The following ABTB2 variants were observed in gnomAD, a reference collection of about 807,000 sequenced individuals.
ABTB2 encodes the protein ankyrin repeat and BTB/POZ domain-containing protein 2.
ABTB2 carries 56 observed loss-of-function variants against 104.1 expected under a neutral mutation model. That is an observed-to-expected ratio of 0.54 (90% CI 0.43 to 0.67). The LOEUF is 0.67. ABTB2 is among the 30% of genes least tolerant of loss of function. ABTB2 has a pLI of 0.00. For missense variants in ABTB2, 1,279 were observed against 1,407.7 expected (o/e 0.91, Z 1.46); for synonymous variants, 606 against 608.2 (o/e 1.00, Z 0.05).
intron 3 of ABTB2, among the ~76,000 whole-genome samples, chr11:34,180,991 G>A (rs1282690415): frequency 2.0e-5 from 3 of 152,118 alleles, no homozygotes; most frequent in Non-Finnish European, 4.4e-5. Context: ...TGCAACCTCC[G>A]CCTCCCTGGT....
intron 1 of ABTB2, among the ~76,000 whole-genome samples, chr11:34,331,130 T>G (rs1018685505): frequency 6.6e-6 from 1 of 152,152 alleles, no homozygotes; most frequent in African/African-American, 2.4e-5. Context: ...ACAGCTGTGG[T>G]AAAACCAAAA....
At chr11:34,301,577 A>G (rs1312785534) in intron 1 of ABTB2, among the ~76,000 whole-genome samples, 1 of 152,256 alleles carries the variant, frequency 6.6e-6, no homozygotes, top group Non-Finnish European at 1.5e-5. Context: ...TTGTTCTCTG[A>G]ATAACACATT....
At chr11:34,195,890 C>G (rs1590213361) in intron 3 of ABTB2, among the ~76,000 whole-genome samples, 1 of 152,168 alleles carries the variant, frequency 6.6e-6, no homozygotes, top group East Asian at 1.9e-4. Flanking sequence ...CTCAATGCCC[C>G]CCAAAGACAG....
chr11:34,228,779 C>G (rs1399301237), intron 1 of ABTB2, among the ~76,000 whole-genome samples: 1 of 152,152 alleles, frequency 6.6e-6, no homozygotes, highest in African/African-American at 2.4e-5. Context: ...TCTCCACATC[C>G]TCACCAACAC....
rs778958597 is a variant in ABTB2, at chr11:34,164,839, C to T, written c.1853-18G>A. On this transcript the variant is annotated intron_variant, in intron 8 of 16. Coordinates refer to ENST00000435224, the MANE Select transcript of ABTB2 (RefSeq NM_145804.3). ...ATAGTTCCCTGAAAGAGAAGGTGGG[C>T]AGCACGGAGGACACTGAGACAGTAG... The T allele has an allele frequency of 3.8e-6, 6 of 1,584,732 alleles. No homozygotes were observed. Among genetic ancestry groups the T allele is most frequent in the Non-Finnish European group, 4.3e-6 (5 of 1,171,286 alleles).
chr11:34,310,386 C>A (rs958066745), intron 1 of ABTB2, among the ~76,000 whole-genome samples: 1 of 152,118 alleles, frequency 6.6e-6, no homozygotes, highest in East Asian at 1.9e-4. Flanking sequence ...TCCCTGCAAC[C>A]CTCTGAGTTT....
intron 1 of ABTB2, among the ~76,000 whole-genome samples, chr11:34,212,965 C>T (rs1295121190): frequency 6.6e-6 from 1 of 152,148 alleles, no homozygotes; most frequent in Admixed American, 6.5e-5. Flanking sequence ...TCAGGGCCAG[C>T]AACCCCAATT....
intron 11 of ABTB2, among the ~76,000 whole-genome samples, chr11:34,160,590 G>A (rs1852697648): frequency 6.6e-6 from 1 of 150,460 alleles, no homozygotes; most frequent in Non-Finnish European, 1.5e-5. Context: ...GGCAGCGCAA[G>A]TCTAAGTCTG....
chr11:34,159,571 A>G lies in ABTB2; in HGVS notation c.2607-185T>C, dbSNP rs567397338. The stretch of plus-strand genomic sequence containing the variant: ...CCATCTTAGGAAGACATCTGAGCTG[A>G]GCCCAATTCTGTCCCCACCACCCAC... On this transcript the variant is annotated intron_variant, in intron 13 of 16. Transcript: ENST00000435224. 2.0e-5 allele frequency among the ~76,000 whole-genome samples: 3 copies of G among 152,332 alleles called. No homozygotes were observed. The East Asian group carries it at 5.8e-4, about 29-fold the overall frequency.
chr11:34,180,831 C>A (rs1232060721), intron 3 of ABTB2, among the ~76,000 whole-genome samples: 1 of 152,166 alleles, frequency 6.6e-6, no homozygotes, highest in Non-Finnish European at 1.5e-5. Context: ...TAAGGCCCCT[C>A]AATGGAACTA....
At chr11:34,258,448 C>G (rs1268826940) in intron 1 of ABTB2, among the ~76,000 whole-genome samples, 1 of 152,046 alleles carries the variant, frequency 6.6e-6, no homozygotes, top group Admixed American at 6.6e-5. Flanking sequence ...AGACTGAAGA[C>G]AATCCAGTGT....
At chr11:34,217,201 A>C (rs942570434) in intron 1 of ABTB2, among the ~76,000 whole-genome samples, 1 of 152,238 alleles carries the variant, frequency 6.6e-6, no homozygotes, top group Non-Finnish European at 1.5e-5. Context: ...AAGCTGTTTA[A>C]CACCACTGGC....
In ABTB2 at chr11:34,173,417, A is replaced by G. The variant is rs775173826; in HGVS notation, c.1245-110T>C. On this transcript the variant is annotated intron_variant, in intron 3 of 16. Coordinates refer to ENST00000435224, the MANE Select transcript of ABTB2 (RefSeq NM_145804.3). ...CTTGTGGGGCAGCAGAGAGAGGGTC[A>G]GTCCTAGGGTGGGGGGCTCCCTGCT... The G allele has an allele frequency of 5.3e-4, 702 of 1,328,160 alleles. 1 individual carries two copies. Among genetic ancestry groups the G allele is most frequent in the Non-Finnish European group, 6.6e-4 (652 of 984,632 alleles). 82.3% of individuals were successfully genotyped at this position (1,328,160 alleles called of 1,614,324 possible).
intron 2 of ABTB2, among the ~76,000 whole-genome samples, chr11:34,199,497 G>C (rs911381128): frequency 6.6e-6 from 1 of 152,204 alleles, no homozygotes; most frequent in African/African-American, 2.4e-5. Context: ...GTTTGTAGAA[G>C]TTCCCTCAGT....
intron 1 of ABTB2, among the ~76,000 whole-genome samples, chr11:34,227,641 GT>G (rs1853705202): frequency 6.6e-6 from 1 of 152,216 alleles, no homozygotes; most frequent in African/African-American, 2.4e-5. Flanking sequence ...TGCTAGTCAT[GT>G]ACAAGTTTTT....
At chr11:34,267,971 C>T (rs1854270343) in intron 1 of ABTB2, among the ~76,000 whole-genome samples, 1 of 152,166 alleles carries the variant, frequency 6.6e-6, no homozygotes, top group Non-Finnish European at 1.5e-5. Flanking sequence ...GGCTCTGTTG[C>T]CCAGGCTGGA....
At chr11:34,164,130 C>T (rs574278092) in intron 9 of ABTB2, among the ~76,000 whole-genome samples, 4 of 152,272 alleles carry the variant, frequency 2.6e-5, no homozygotes, top group African/African-American at 7.2e-5. Flanking sequence ...TTTCCAGCCC[C>T]GTTTCTGCCC....
intron 1 of ABTB2, among the ~76,000 whole-genome samples, chr11:34,318,444 G>T (rs775573882): frequency 6.6e-6 from 1 of 152,162 alleles, no homozygotes; most frequent in African/African-American, 2.4e-5. Context: ...TCCAAGGAAT[G>T]ACTTATTTTA....
At chr11:34,348,381 T>C (rs1855359120) in intron 1 of ABTB2, among the ~76,000 whole-genome samples, 1 of 152,236 alleles carries the variant, frequency 6.6e-6, no homozygotes, top group South Asian at 2.1e-4. Context: ...GCTTTCCTTT[T>C]TCCTGTGTTA....
Sources: allele counts gnomAD v4.1 joint callset (sites outside exome capture counted in the v4.1 genomes callset), GRCh38; gene constraint gnomAD v4.1.1; transcripts MANE v1.5; gene names NCBI Gene and HGNC (gene_info 2026-07-23, HGNC 2026-07-21).